The following DAB1 variants were observed in gnomAD, a reference collection of about 807,000 sequenced individuals.
DAB1 encodes DAB adaptor protein 1, also known as disabled homolog 1.
DAB1 carries 15 observed loss-of-function variants against 64.6 expected under a neutral mutation model. The ratio of observed to expected loss-of-function variants is 0.23; its 90% confidence interval spans 0.16 to 0.36. DAB1 has a LOEUF of 0.36. DAB1 is among the 10% of genes least tolerant of loss of function. DAB1 has a pLI of 1.00. For synonymous variants in DAB1, 235 were observed against 251.9 expected, an observed-to-expected ratio of 0.93 and a Z score of 0.64; for missense variants, 596 against 706.7, an observed-to-expected ratio of 0.84 and a Z score of 1.78.
chr1:57,334,337 C>T (rs556229758), intron 1 of DAB1, among the ~76,000 whole-genome samples: 44 of 152,332 alleles, frequency 2.9e-4, no homozygotes, highest in African/African-American at 1.0e-3. Context: ...CTCTGCCATG[C>T]ACTCAGCATG....
intron 6 of DAB1, among the ~76,000 whole-genome samples, chr1:57,735,296 T>A (rs1448500291): frequency 1.3e-5 from 2 of 152,194 alleles, no homozygotes; most frequent in African/African-American, 4.8e-5. Context: ...CCATCACCTA[T>A]CTGGACTTCA....
At chr1:57,889,697 G>A (rs760826477) in intron 5 of DAB1, among the ~76,000 whole-genome samples, 3 of 152,118 alleles carry the variant, frequency 2.0e-5, no homozygotes, top group African/African-American at 4.8e-5. Flanking sequence ...CCAAAGGCCC[G>A]GTGAGTATGA....
chr1:57,729,506 T>G (rs1158008769), intron 6 of DAB1, among the ~76,000 whole-genome samples: 2 of 152,172 alleles, frequency 1.3e-5, no homozygotes, highest in Non-Finnish European at 2.9e-5. Flanking sequence ...AGGTGGGCAC[T>G]GGTAGGGGGA....
At chr1:58,333,052 G>C (rs1324693237) in intron 4 of DAB1, among the ~76,000 whole-genome samples, 1 of 152,204 alleles carries the variant, frequency 6.6e-6, no homozygotes, top group African/African-American at 2.4e-5. Flanking sequence ...TGGGATTACA[G>C]GCGTGTGCCA....
chr1:57,236,045 A>G (rs1432871269), intron 2 of DAB1, among the ~76,000 whole-genome samples: 3 of 152,138 alleles, frequency 2.0e-5, no homozygotes, highest in East Asian at 1.9e-4. Context: ...CTTGAGTTCA[A>G]AGGTATTTGG....
chr1:57,185,917 C>T (rs1182797934), intron 2 of DAB1, among the ~76,000 whole-genome samples: 1 of 152,054 alleles, frequency 6.6e-6, no homozygotes, highest in Admixed American at 6.6e-5. Flanking sequence ...AGAAGCAGAA[C>T]CGTGGACAAT....
chr1:58,236,956 C>G (rs1660070156), intron 4 of DAB1, among the ~76,000 whole-genome samples: 1 of 152,192 alleles, frequency 6.6e-6, no homozygotes, highest in Non-Finnish European at 1.5e-5. Flanking sequence ...GATCATACAT[C>G]AAATTGGGAC....
intron 5 of DAB1, among the ~76,000 whole-genome samples, chr1:57,933,037 C>A (rs1422985832): frequency 6.6e-6 from 1 of 152,142 alleles, no homozygotes; most frequent in Non-Finnish European, 1.5e-5. Context: ...GACAAAAGCA[C>A]TAGGAGGTTT....
At chr1:57,439,806 G>C (rs1558382105) in intron 7 of DAB1, among the ~76,000 whole-genome samples, 2 of 152,102 alleles carry the variant, frequency 1.3e-5, no homozygotes, top group African/African-American at 4.8e-5. Context: ...TTTAATACTT[G>C]TGATTATGAT....
At chr1:57,410,025 C>A (rs925932619) in intron 1 of DAB1, among the ~76,000 whole-genome samples, 1 of 152,124 alleles carries the variant, frequency 6.6e-6, no homozygotes, top group Non-Finnish European at 1.5e-5. Flanking sequence ...CACTACAAAC[C>A]TTTAGGCCTT....
intron 5 of DAB1, among the ~76,000 whole-genome samples, chr1:58,070,214 G>C (rs1320041116): frequency 6.6e-6 from 1 of 152,162 alleles, no homozygotes; most frequent in Non-Finnish European, 1.5e-5. Flanking sequence ...AGCTAAAAAT[G>C]CTTCAGTTTC....
At chr1:57,262,998 A>T (rs968379428) in intron 2 of DAB1, among the ~76,000 whole-genome samples, 1 of 152,190 alleles carries the variant, frequency 6.6e-6, no homozygotes, top group Admixed American at 6.5e-5. Flanking sequence ...ATCTTCCCTC[A>T]AGGAGCTCAT....
Position 57,619,545 on chromosome 1 carries a change from G to A in DAB1, n.625+30047C>T, listed in dbSNP as rs746890929. 4.5e-4 allele frequency among the ~76,000 whole-genome samples: 69 copies of A among 152,146 alleles called. 1 individual carries two copies. Among genetic ancestry groups the A allele is most frequent in the Non-Finnish European group, 6.8e-4 (46 of 67,992 alleles). On this transcript the variant is annotated intron_variant and non_coding_transcript_variant, in intron 7 of 20. Coordinates refer to the DAB1 transcript ENST00000485760. ...CCTCCAATTAGCTAGGACCACAGGG[G>A]CATGCTACCAGGCCTGGCTAATTTT...
chr1:58,133,878 G>A (rs952581820), intron 5 of DAB1, among the ~76,000 whole-genome samples: 4 of 151,976 alleles, frequency 2.6e-5, no homozygotes, highest in Admixed American at 1.3e-4. Flanking sequence ...TTAATCTTTG[G>A]GGCCTGTCAA....
chr1:57,238,894 C>CACACA (rs1558002672), intron 2 of DAB1, among the ~76,000 whole-genome samples: 4 of 150,070 alleles, frequency 2.7e-5, no homozygotes, highest in Admixed American at 2.0e-4. Flanking sequence ...CACACACACA[C>CACACA]CCCTAACTTG....
At chr1:57,387,292 C>A (rs896601368) in intron 1 of DAB1, 2 of 152,114 alleles carry the variant, frequency 1.3e-5, no homozygotes, top group African/African-American at 4.8e-5. Context: ...CCCTAATAAC[C>A]CATAGCTAGG....
intron 5 of DAB1, among the ~76,000 whole-genome samples, chr1:58,025,756 T>TG (rs1291311483): frequency 6.7e-6 from 1 of 150,048 alleles, no homozygotes; most frequent in African/African-American, 2.5e-5. Flanking sequence ...CCTCTGTCTT[T>TG]GGGGTCCCCC....
At chr1:57,442,370 C>T (rs530290238) in intron 7 of DAB1, among the ~76,000 whole-genome samples, 15 of 152,268 alleles carry the variant, frequency 9.9e-5, no homozygotes, top group African/African-American at 2.9e-4. Context: ...TCTAGAAAAG[C>T]AAGCCTTGGG....
At chr1:57,616,360 C>T (rs1645789896) in intron 7 of DAB1, among the ~76,000 whole-genome samples, 1 of 152,172 alleles carries the variant, frequency 6.6e-6, no homozygotes, top group Non-Finnish European at 1.5e-5. Context: ...TGGCACTTAA[C>T]ACCATCTGAA....
Sources: allele counts gnomAD v4.1 joint callset (sites outside exome capture counted in the v4.1 genomes callset), GRCh38; gene constraint gnomAD v4.1.1; transcripts MANE v1.5; gene names NCBI Gene and HGNC (gene_info 2026-07-23, HGNC 2026-07-21).